The following PDIA5 variants were observed in gnomAD, a reference collection of about 807,000 sequenced individuals.
PDIA5 encodes protein disulfide isomerase family A member 5.
PDIA5 carries 58 observed loss-of-function variants against 77.6 expected under a neutral mutation model. The observed-to-expected ratio is 0.75, with a 90% confidence interval of 0.61 to 0.93. The LOEUF (loss-of-function observed/expected upper bound fraction) is 0.93. Among genes scored for constraint, PDIA5 ranks in the 40% least tolerant of loss-of-function variants. The pLI is 0.00. For synonymous variants in PDIA5, 250 were observed against 252.1 expected, an observed-to-expected ratio of 0.99 and a Z score of 0.08; for missense variants, 630 against 647.7, an observed-to-expected ratio of 0.97 and a Z score of 0.30.
chr3:123,149,292 A>G (rs975708555), intron 13 of PDIA5, among the ~76,000 whole-genome samples: 8 of 152,256 alleles, frequency 5.3e-5, no homozygotes, highest in Non-Finnish European at 1.0e-4. Context: ...CTTCTCAGCC[A>G]TGGAAATCAC....
chr3:123,140,617 G>T (rs539770694), intron 11 of PDIA5, among the ~76,000 whole-genome samples: 1 of 138,820 alleles, frequency 7.2e-6, no homozygotes, highest in Non-Finnish European at 1.5e-5. Context: ...AGCAGGGGCT[G>T]GGAGGAAGAG....
At chr3:123,088,462 G>GTATTT (rs1405522454) in intron 1 of PDIA5, among the ~76,000 whole-genome samples, 1 of 152,136 alleles carries the variant, frequency 6.6e-6, no homozygotes, top group African/African-American at 2.4e-5. Flanking sequence ...ATTTCTCTGT[G>GTATTT]TATTTTATGC....
Position 123,161,310 on chromosome 3 carries a change from T to C in PDIA5, c.1345-11T>C. On this transcript the variant is annotated splice_polypyrimidine_tract_variant and intron_variant, in intron 15 of 16. Transcript: ENST00000316218. ...ACACCCTGTGCCAACTCTCTTTACC[T>C]TGGCTCCTAGATTGCCTGTGCCGCT... 1 of 1,612,974 alleles carries C rather than the reference T, an allele frequency of 6.2e-7. No homozygotes were observed. Among genetic ancestry groups the C allele is most frequent in the Non-Finnish European group, 8.5e-7 (1 of 1,179,372 alleles).
intron 3 of PDIA5, among the ~76,000 whole-genome samples, chr3:123,093,654 TG>T (rs1208131862): frequency 6.6e-6 from 1 of 152,208 alleles, no homozygotes; most frequent in Non-Finnish European, 1.5e-5. Flanking sequence ...AATACGCAGA[TG>T]GATAACTGCA....
intron 3 of PDIA5, among the ~76,000 whole-genome samples, chr3:123,095,198 ATAAGGATCGGG>A (rs1934401221): frequency 6.6e-6 from 1 of 152,194 alleles, no homozygotes; most frequent in African/African-American, 2.4e-5. Flanking sequence ...CAGGTCTGTG[ATAAGGATCGGG>A]TAAATGAAAG....
chr3:123,134,792 G>A (rs1935458252), intron 11 of PDIA5, among the ~76,000 whole-genome samples: 1 of 152,216 alleles, frequency 6.6e-6, no homozygotes, highest in African/African-American at 2.4e-5. Context: ...GAGATTTACA[G>A]CCAGGTTTGC....
chr3:123,112,629 A>T (rs1576448214), intron 7 of PDIA5, among the ~76,000 whole-genome samples: 1 of 127,942 alleles, frequency 7.8e-6, no homozygotes, highest in Non-Finnish European at 1.6e-5. Context: ...GCTCACTGCG[A>T]CCTCCGCCCC....
intron 15 of PDIA5, among the ~76,000 whole-genome samples, chr3:123,160,515 G>A (rs145783137): frequency 5.1e-4 from 77 of 152,274 alleles, no homozygotes; most frequent in African/African-American, 1.7e-3. Flanking sequence ...CTCAGATGGC[G>A]AATCATACAG....
chr3:123,137,863 G>C (rs1447811982), intron 11 of PDIA5, among the ~76,000 whole-genome samples: 1 of 152,072 alleles, frequency 6.6e-6, no homozygotes. Context: ...TATTAAAATA[G>C]TGCCCTATAT....
chr3:123,129,783 T>C (rs1935331902), intron 10 of PDIA5, among the ~76,000 whole-genome samples: 1 of 152,200 alleles, frequency 6.6e-6, no homozygotes, highest in Admixed American at 6.5e-5. Context: ...GGCGGCTGCC[T>C]AAGGTTTTGC....
Position 123,161,954 on chromosome 3 carries a change from G to A in PDIA5, c.1554G>A (p.Glu518=), listed in dbSNP as rs755000700. The change falls in exon 17 of 17, where the codon GAG becomes GAA. Residue 518 remains glutamate (E), a synonymous_variant. Coordinates refer to ENST00000316218, the MANE Select transcript of PDIA5 (RefSeq NM_006810.4). The part of the protein sequence containing the change: ...DHERLGKKKE[E]L ...AAAGACTAGGGAAAAAGAAGGAAGA[G>A]TTATAATTCCTGCCTCAGAAAAAGC... The A allele has an allele frequency of 9.5e-6, 15 of 1,576,930 alleles. No individual in the cohort carries two copies. The highest frequency in any genetic ancestry group is 1.2e-5 in the Non-Finnish European group (14 of 1,146,786).
intron 1 of PDIA5, 83 bp from the exon 2 acceptor site, chr3:123,089,085 T>C: frequency 1.5e-6 from 2 of 1,377,426 alleles, no homozygotes; most frequent in Non-Finnish European, 2.0e-6. Flanking sequence ...AAAGCAGCTC[T>C]AGGCAGCACA....
At chr3:123,080,948 G>GT (rs1474772008) in intron 1 of PDIA5, among the ~76,000 whole-genome samples, 6 of 152,046 alleles carry the variant, frequency 3.9e-5, no homozygotes, top group African/African-American at 1.4e-4. Flanking sequence ...GGCTACTTGA[G>GT]TTCCAGCCAT....
intron 8 of PDIA5, among the ~76,000 whole-genome samples, chr3:123,122,882 CT>C (rs1186150225): frequency 6.6e-6 from 1 of 152,160 alleles, no homozygotes; most frequent in Non-Finnish European, 1.5e-5. Flanking sequence ...CTACTGCTGG[CT>C]TTTTTTACTT....
chr3:123,151,461 AGAGT>A (rs1935890713), intron 14 of PDIA5, among the ~76,000 whole-genome samples: 1 of 152,228 alleles, frequency 6.6e-6, no homozygotes, highest in East Asian at 1.9e-4. Context: ...CACAGTCCAG[AGAGT>A]GAGAGTGTTT....
chr3:123,121,415 G>T (rs564593999), intron 8 of PDIA5, among the ~76,000 whole-genome samples: 1 of 152,344 alleles, frequency 6.6e-6, no homozygotes, highest in Admixed American at 6.5e-5. Context: ...GCCGAGACCA[G>T]GTGTGTCACC....
intron 6 of PDIA5, among the ~76,000 whole-genome samples, 187 bp from the exon 7 acceptor site, chr3:123,110,757 C>A (rs1934840205): frequency 1.3e-5 from 2 of 152,146 alleles, no homozygotes; most frequent in Admixed American, 1.3e-4. Flanking sequence ...TCTTCCAGCT[C>A]CTGGCCTGCC....
intron 11 of PDIA5, among the ~76,000 whole-genome samples, chr3:123,132,944 G>A (rs1046573835): frequency 3.9e-5 from 6 of 152,200 alleles, no homozygotes; most frequent in Non-Finnish European, 8.8e-5. Context: ...CAGAGTGAGA[G>A]GGATCAGGGC....
chr3:123,131,509 T>C (rs2667458), intron 11 of PDIA5, among the ~76,000 whole-genome samples: 1 of 149,620 alleles, frequency 6.7e-6, no homozygotes, highest in East Asian at 2.0e-4. Context: ...ACCTTACAAG[T>C]GGTCGCGGGC....
Sources: allele counts gnomAD v4.1 joint callset (sites outside exome capture counted in the v4.1 genomes callset), GRCh38; gene constraint gnomAD v4.1.1; transcripts MANE v1.5; gene names NCBI Gene and HGNC (gene_info 2026-07-23, HGNC 2026-07-21).